Variants in ACTG2 observed in about 807,000 individuals in gnomAD.
ACTG2 encodes the protein actin, gamma-enteric smooth muscle.
In ACTG2, 16 loss-of-function variants were observed where a neutral mutation model predicts 37.6. That is an observed-to-expected ratio of 0.43 (90% CI 0.29 to 0.65). The LOEUF (loss-of-function observed/expected upper bound fraction) is 0.65. ACTG2 is among the 30% of genes least tolerant of loss of function. The probability of loss-of-function intolerance (pLI) is 0.18; values close to 1 mark genes in which losing one functional copy is unlikely to be tolerated. For missense variants in ACTG2, 238 were observed against 490.9 expected (o/e 0.48, Z 4.87); for synonymous variants, 181 against 179.9 (o/e 1.01, Z -0.05).
chr2:73,900,944 C>T (rs1348200376), intron 1 of ACTG2, among the ~76,000 whole-genome samples: 1 of 152,090 alleles, frequency 6.6e-6, no homozygotes, highest in Admixed American at 6.6e-5. Context: ...ATAAAGACAC[C>T]CATTGTACTG....
intron 1 of ACTG2, among the ~76,000 whole-genome samples, chr2:73,896,132 G>A (rs965998466): frequency 3.3e-5 from 5 of 152,172 alleles, no homozygotes; most frequent in South Asian, 2.1e-4. Flanking sequence ...CCAGGAGTTT[G>A]AGACCAGCCT....
At chr2:73,909,631 C>T (rs997359371) in intron 5 of ACTG2, among the ~76,000 whole-genome samples, 2 of 152,080 alleles carry the variant, frequency 1.3e-5, no homozygotes, top group Admixed American at 6.5e-5. Context: ...AGGCTACAGA[C>T]AGTATAGCAT....
intron 1 of ACTG2, 25 bp from the exon 2 acceptor site, chr2:73,901,251 G>A (rs1195741636): frequency 1.3e-5 from 20 of 1,483,638 alleles, no homozygotes; most frequent in Non-Finnish European, 9.0e-6. Context: ...TGGCTGACTA[G>A]TTCTCTTCTC....
chr2:73,901,020 G>T (rs1049425741), intron 1 of ACTG2, among the ~76,000 whole-genome samples: 1 of 152,146 alleles, frequency 6.6e-6, no homozygotes, highest in African/African-American at 2.4e-5. Context: ...CCTCTTTAAA[G>T]ACCCTATCTC....
At chr2:73,898,437 T>C (rs1420334304) in intron 1 of ACTG2, among the ~76,000 whole-genome samples, 1 of 150,780 alleles carries the variant, frequency 6.6e-6, no homozygotes, top group African/African-American at 2.4e-5. Context: ...ACTTATTTAC[T>C]ATTCAGTAAC....
intron 3 of ACTG2, among the ~76,000 whole-genome samples, chr2:73,904,328 C>A (rs904284488): frequency 5.3e-5 from 8 of 150,138 alleles, no homozygotes; most frequent in African/African-American, 2.0e-4. Context: ...CTATTTTATT[C>A]ACAGTAGTGA....
chr2:73,899,403 A>C (rs1227554363), intron 1 of ACTG2, among the ~76,000 whole-genome samples: 1 of 152,138 alleles, frequency 6.6e-6, no homozygotes, highest in Non-Finnish European at 1.5e-5. Flanking sequence ...TCGAGTCTGC[A>C]GTGAACTGTG....
chr2:73,910,494 G>A (rs1171107248), intron 5 of ACTG2, among the ~76,000 whole-genome samples: 2 of 115,484 alleles, frequency 1.7e-5, no homozygotes, highest in Non-Finnish European at 3.5e-5. Flanking sequence ...AGCCTCCCAT[G>A]ACTTTTTTTT....
chr2:73,894,905 G>T (rs1044303547), intron 1 of ACTG2, among the ~76,000 whole-genome samples: 2 of 152,206 alleles, frequency 1.3e-5, no homozygotes, highest in South Asian at 4.1e-4. Flanking sequence ...GCCATGGAAG[G>T]GTTTTAATCT....
At chr2:73,900,936 A>G (rs1364743558) in intron 1 of ACTG2, among the ~76,000 whole-genome samples, 1 of 152,126 alleles carries the variant, frequency 6.6e-6, no homozygotes, top group African/African-American at 2.4e-5. Context: ...CTCTTCTTAT[A>G]AAGACACCCA....
chr2:73,917,123 G>A (rs1380769959), intron 8 of ACTG2, among the ~76,000 whole-genome samples: 1 of 152,114 alleles, frequency 6.6e-6, no homozygotes, highest in Non-Finnish European at 1.5e-5. Context: ...GCCACAATGA[G>A]CTCTAACTGT....
Position 73,902,047 on chromosome 2 carries a change from G to GTGTGTGTGTC in ACTG2, c.127-304_127-303insCTGTGTGTGT, listed in dbSNP as rs1221417061. ...TGTGTGTGTGTGTGTGTGTCTGTGT[G>GTGTGTGTGTC]TGTGTGTGTGTGTGTCTGTGTGTAG... is the stretch of plus-strand genomic sequence containing the variant. On this transcript the variant is annotated intron_variant, in intron 2 of 8. Transcript: ENST00000345517. 2.8e-3 allele frequency among the ~76,000 whole-genome samples: 408 copies of GTGTGTGTGTC among 146,720 alleles called. 2 individuals carry two copies. Among genetic ancestry groups the GTGTGTGTGTC allele is most frequent in the African/African-American group, 9.6e-3 (383 of 39,732 alleles).
At chr2:73,899,433 G>C (rs1365741759) in intron 1 of ACTG2, among the ~76,000 whole-genome samples, 3 of 152,042 alleles carry the variant, frequency 2.0e-5, no homozygotes, top group Non-Finnish European at 4.4e-5. Context: ...CTGTACTGCA[G>C]CTTGGGTGAC....
chr2:73,902,906 C>G, intron 3 of ACTG2: 1 of 870,368 alleles, frequency 1.1e-6, no homozygotes, highest in Non-Finnish European at 1.7e-6. Flanking sequence ...GCAATATTTA[C>G]TCAGGCCAGT....
At chr2:73,898,347 C>G (rs1679795491) in intron 1 of ACTG2, among the ~76,000 whole-genome samples, 1 of 148,128 alleles carries the variant, frequency 6.8e-6, no homozygotes, top group Non-Finnish European at 1.5e-5. Context: ...CCTACCAAAG[C>G]AACTTGCACC....
At chr2:73,914,596 AAGG>A in intron 6 of ACTG2, 81 bp from the exon 7 acceptor site, 2 of 1,033,830 alleles carry the variant, frequency 1.9e-6, no homozygotes, top group Non-Finnish European at 2.7e-6. Flanking sequence ...TAGATGTGAG[AAGG>A]AGGTTTTCAT....
At chr2:73,908,627 A>G (rs771581171) in intron 3 of ACTG2, 46 bp from the exon 4 acceptor site, 17 of 1,475,338 alleles carry the variant, frequency 1.2e-5, no homozygotes, top group Non-Finnish European at 1.5e-5. Flanking sequence ...AGAATTTTCC[A>G]GCCATTGGGA....
Position 73,914,660 on chromosome 2 carries a change from G to A in ACTG2, c.614-20G>A. The A allele has an allele frequency of 1.3e-6, 2 of 1,527,922 alleles. No homozygotes were observed. The highest frequency in any genetic ancestry group is 1.8e-6 in the Non-Finnish European group (2 of 1,133,816). The allele number at this position is 1,527,922 out of a possible 1,614,324, so 94.6% of individuals were successfully genotyped here. A position where few individuals can be genotyped will look rare whatever the true frequency, so the allele number is the denominator to read the frequency against. On this transcript the variant is annotated intron_variant, in intron 6 of 8. Transcript: ENST00000345517. Reference sequence around the variant, plus strand: ...TATCAGAGCTCAGTATTCACCTTCTGTCATTTCTGCTCCTTCCAGCTGAGA... The same window carrying A: ...TATCAGAGCTCAGTATTCACCTTCTATCATTTCTGCTCCTTCCAGCTGAGA...
At chr2:73,901,533 T>TGC (rs1679875808) in intron 2 of ACTG2, 96 bp downstream of exon 2, 1 of 563,920 alleles carries the variant, frequency 1.8e-6, no homozygotes, top group East Asian at 5.7e-5. Flanking sequence ...GGGAAGGAAA[T>TGC]GTGTGTGTGT....
Sources: allele counts gnomAD v4.1 joint callset (sites outside exome capture counted in the v4.1 genomes callset), GRCh38; gene constraint gnomAD v4.1.1; transcripts MANE v1.5; gene names NCBI Gene and HGNC (gene_info 2026-07-23, HGNC 2026-07-21).